Variants in TRPC4 observed in about 807,000 individuals in gnomAD.
The protein encoded by TRPC4 is short transient receptor potential channel 4.
TRPC4 carries 49 observed loss-of-function variants against 99.4 expected under a neutral mutation model. The ratio of observed to expected loss-of-function variants is 0.49; its 90% CI spans 0.39 to 0.63. The LOEUF (loss-of-function observed/expected upper bound fraction) is 0.63. TRPC4 is among the 20% of genes least tolerant of loss of function. The pLI is 0.00. For missense variants in TRPC4, 898 were observed against 1,152.9 expected (o/e 0.78, Z 3.20); for synonymous variants, 454 against 425.9 (o/e 1.07, Z -0.81).
At chr13:37,786,024 A>G (rs531680187) in intron 1 of TRPC4, among the ~76,000 whole-genome samples, 23 of 152,174 alleles carry the variant, frequency 1.5e-4, no homozygotes, top group Non-Finnish European at 2.9e-4. Context: ...TATTTGCATT[A>G]GGTAATCTAT....
At chr13:37,776,111 T>C (rs1037000226) in intron 2 of TRPC4, among the ~76,000 whole-genome samples, 1 of 151,844 alleles carries the variant, frequency 6.6e-6, no homozygotes, top group Admixed American at 6.6e-5. Flanking sequence ...TCAGGTCTCT[T>C]ATGACTGCCA....
chr13:37,752,586 GC>G (rs543969581), intron 2 of TRPC4, among the ~76,000 whole-genome samples: 1 of 150,930 alleles, frequency 6.6e-6, no homozygotes, highest in Non-Finnish European at 1.5e-5. Context: ...TACCACTTCT[GC>G]CCCCCTCCCC....
intron 1 of TRPC4, among the ~76,000 whole-genome samples, chr13:37,788,776 A>G (rs1471940691): frequency 1.3e-5 from 2 of 152,110 alleles, no homozygotes; most frequent in Non-Finnish European, 2.9e-5. Flanking sequence ...AAAATATCCT[A>G]TAAAATCTAC....
chr13:37,780,956 A>G (rs552056181), intron 2 of TRPC4, among the ~76,000 whole-genome samples: 1 of 152,202 alleles, frequency 6.6e-6, no homozygotes, highest in East Asian at 1.9e-4. Context: ...ATGGCCTGGG[A>G]AATTTCAGAC....
chr13:37,781,492 T>C (rs1956839314), intron 2 of TRPC4, among the ~76,000 whole-genome samples: 1 of 152,108 alleles, frequency 6.6e-6, no homozygotes, highest in South Asian at 2.1e-4. Context: ...CATTCCTGTC[T>C]GTGTTCTGTA....
rs1370849350 is a variant in TRPC4 at position 37,651,355 on chromosome 13, G to T, written c.1989C>A (p.Pro663=). The part of the protein sequence containing the change: ...LPTPFNVIPS[P]KSLWYLIKWI... ...ATTTGATCAGGTACCAGAGAGACTT[G>T]GGGCTCGGGATGACATTGAAGGGAG... is the stretch of plus-strand genomic sequence containing the variant. Residue 663 remains proline (P), a synonymous_variant, in exon 8 of 11, where the codon CCC becomes CCA. Transcript: ENST00000379705. 1.9e-6 allele frequency: 3 copies of T among 1,613,940 alleles called. No individual in the cohort carries two copies. Among genetic ancestry groups the T allele is most frequent in the East Asian group, 2.2e-5 (1 of 44,884 alleles).
chr13:37,760,837 A>T (rs1956203949), intron 2 of TRPC4, among the ~76,000 whole-genome samples: 1 of 151,984 alleles, frequency 6.6e-6, no homozygotes. Flanking sequence ...TTAGTTAGTG[A>T]TGCATCCAGT....
chr13:37,847,288 T>C (rs528453814), intron 1 of TRPC4, among the ~76,000 whole-genome samples: 1 of 152,188 alleles, frequency 6.6e-6, no homozygotes, highest in East Asian at 1.9e-4. Flanking sequence ...TCACATATTA[T>C]GCCACAAAAC....
intron 3 of TRPC4, among the ~76,000 whole-genome samples, chr13:37,700,889 A>G (rs1025882598): frequency 6.6e-6 from 1 of 152,206 alleles, no homozygotes; most frequent in Admixed American, 6.5e-5. Context: ...TGTCTCCCTG[A>G]CAAAAGCTCT....
At position 37,826,857 on chromosome 13, in the gene TRPC4, T is replaced by C. The variant is rs370839854; in HGVS notation, c.-28+42738A>G. Among the ~76,000 whole-genome samples, 15 of 152,310 alleles carry C rather than the reference T, an allele frequency of 9.8e-5. No homozygotes were observed. In the South Asian group the frequency reaches 2.1e-3, roughly 21 times the overall value. Reference sequence around the variant, plus strand: ...TGGGGAAGTTCTCCTGGATAATATCTTGCAGAGTGTTTTCCAACTTGGTTC... The same window carrying C: ...TGGGGAAGTTCTCCTGGATAATATCCTGCAGAGTGTTTTCCAACTTGGTTC... On this transcript the variant is annotated intron_variant, in intron 1 of 10. Coordinates refer to ENST00000379705, the MANE Select transcript of TRPC4 (RefSeq NM_016179.4).
intron 1 of TRPC4, among the ~76,000 whole-genome samples, chr13:37,789,928 G>C (rs1010480324): frequency 6.6e-6 from 1 of 152,034 alleles, no homozygotes; most frequent in African/African-American, 2.4e-5. Context: ...AAAGCAATTT[G>C]AGTATCTTAT....
chr13:37,725,580 G>A (rs1955024637), intron 3 of TRPC4, among the ~76,000 whole-genome samples: 1 of 152,060 alleles, frequency 6.6e-6, no homozygotes, highest in Non-Finnish European at 1.5e-5. Flanking sequence ...GCAGTAAGCT[G>A]ATATAGTTAA....
At chr13:37,782,202 A>G (rs1440636685) in intron 2 of TRPC4, among the ~76,000 whole-genome samples, 2 of 152,104 alleles carry the variant, frequency 1.3e-5, no homozygotes, top group Non-Finnish European at 1.5e-5. Flanking sequence ...AGACAGACAA[A>G]AACAGACTCC....
intron 1 of TRPC4, among the ~76,000 whole-genome samples, chr13:37,808,637 A>T (rs1221495475): frequency 2.0e-5 from 3 of 152,034 alleles, no homozygotes; most frequent in Admixed American, 2.0e-4. Flanking sequence ...TGACTAGTTG[A>T]TGCAGGAATA....
At chr13:37,796,103 A>C (rs1390215916) in intron 1 of TRPC4, among the ~76,000 whole-genome samples, 8 of 152,164 alleles carry the variant, frequency 5.3e-5, no homozygotes, top group Admixed American at 5.2e-4. Context: ...TCTAGCAGAG[A>C]TGCTCCTGAG....
At chr13:37,799,042 C>T (rs1028065461) in intron 1 of TRPC4, among the ~76,000 whole-genome samples, 1 of 151,636 alleles carries the variant, frequency 6.6e-6, no homozygotes, top group Non-Finnish European at 1.5e-5. Flanking sequence ...CGCCATTCTC[C>T]TGCCTCAGCC....
rs753275573 is a variant in TRPC4, at chr13:37,740,552, G to C, written c.897+5385C>G. On this transcript the variant is annotated intron_variant, in intron 3 of 10. Coordinates refer to ENST00000379705, the MANE Select transcript of TRPC4 (RefSeq NM_016179.4). ...ACAATCCACAGTGTCTGCTCTATTT[G>C]TTATTTAACTGCTTTAGCACTCTTG... Among the ~76,000 whole-genome samples the C allele has an allele frequency of 8.7e-4, 132 of 152,246 alleles. 2 individuals are homozygous for C. Among genetic ancestry groups the C allele is most frequent in the Admixed American group, 3.9e-4 (6 of 15,292 alleles).
intron 5 of TRPC4, among the ~76,000 whole-genome samples, chr13:37,668,679 C>T (rs1215159166): frequency 1.3e-5 from 2 of 151,944 alleles, no homozygotes; most frequent in Admixed American, 6.6e-5. Context: ...ATCTTTATAT[C>T]CTCTGTAGTC....
rs139165159 is a variant in TRPC4 at position 37,723,225 on chromosome 13, A to G, written c.897+22712T>C. 4.1e-3 allele frequency among the ~76,000 whole-genome samples: 628 copies of G among 152,298 alleles called. 5 individuals are homozygous for G. Among genetic ancestry groups the G allele is most frequent in the African/African-American group, 0.014 (600 of 41,570 alleles). On this transcript the variant is annotated intron_variant, in intron 3 of 10. Coordinates refer to ENST00000379705, the MANE Select transcript of TRPC4 (RefSeq NM_016179.4). ...ACAAAAGCATATGATTAACACAGAAAAGTGTAAAATGTTGTACGCCCAGAC... is the reference window on the plus strand; with the variant it reads ...ACAAAAGCATATGATTAACACAGAAGAGTGTAAAATGTTGTACGCCCAGAC...
Sources: gnomAD v4.1 joint callset for allele counts (sites outside exome capture counted in the v4.1 genomes callset) on GRCh38, gnomAD v4.1.1 for gene constraint, MANE v1.5 for transcripts, NCBI Gene and HGNC (gene_info 2026-07-23, HGNC 2026-07-21) for gene names.